Variants in EDDM3A observed in about 807,000 individuals in gnomAD.
The protein encoded by EDDM3A is epididymal protein 3A.
For synonymous variants in EDDM3A, 75 were observed against 60.4 expected (o/e 1.24, Z -1.12); for missense variants, 199 against 177.4 (o/e 1.12, Z -0.69).
At chr14:20,744,666 A>G (rs192843901), upstream of EDDM3A, among the ~76,000 whole-genome samples, 6 of 152,336 alleles carry the variant, frequency 3.9e-5, no homozygotes, top group East Asian at 1.9e-4. Flanking sequence ...GAGGTCCTGA[A>G]AAACAACTTA....
the EDDM3A span, among the ~76,000 whole-genome samples, chr14:20,736,598 C>T: frequency 3.3e-5 from 5 of 152,142 alleles, no homozygotes; most frequent in Non-Finnish European, 7.4e-5. Flanking sequence ...TCTTTCCTTT[C>T]TCATATTACT....
At chr14:20,740,583 G>A in the EDDM3A span, among the ~76,000 whole-genome samples, 2 of 152,176 alleles carry the variant, frequency 1.3e-5, no homozygotes, top group African/African-American at 4.8e-5. Flanking sequence ...CAATTGGAAG[G>A]AGCACATAGG....
At chr14:20,747,239 G>A (rs1178482382) in intron 1 of EDDM3A, among the ~76,000 whole-genome samples, 1 of 151,856 alleles carries the variant, frequency 6.6e-6, no homozygotes, top group African/African-American at 2.4e-5. Flanking sequence ...GAGTAGCTGG[G>A]TCTACAGCCA....
the EDDM3A span, among the ~76,000 whole-genome samples, chr14:20,736,317 C>G: frequency 6.6e-6 from 1 of 152,170 alleles, no homozygotes; most frequent in East Asian, 1.9e-4. Flanking sequence ...ACCATGTTGG[C>G]CAGGCTGGTC....
intron 1 of EDDM3A, among the ~76,000 whole-genome samples, chr14:20,746,230 T>C (rs937800497): frequency 7.9e-5 from 12 of 152,148 alleles, no homozygotes; most frequent in African/African-American, 2.4e-4. Context: ...TTCTATCTTG[T>C]GTAGGCCTTT....
At chr14:20,736,480 C>A in the EDDM3A span, among the ~76,000 whole-genome samples, 10 of 152,238 alleles carry the variant, frequency 6.6e-5, no homozygotes, top group Admixed American at 3.3e-4. Flanking sequence ...ATTACTTTCA[C>A]GGTGGTAACA....
rs770401108 is a variant in EDDM3A, at chr14:20,748,032, A to G, written c.*8A>G. 1 of 1,581,140 alleles carries G rather than the reference A, an allele frequency of 6.3e-7. No individual in the cohort carries two copies. On this transcript the variant is annotated 3_prime_UTR_variant, in exon 2 of 2. Coordinates refer to ENST00000326842, the MANE Select transcript of EDDM3A (RefSeq NM_006683.5). ...GAACCTATCAGCAACTAGAAAGTCT[A>G]TGCACATCCTCAGATATTGGTAGAG...
chr14:20,743,974 A>G (rs1330965167), upstream of EDDM3A, among the ~76,000 whole-genome samples: 1 of 152,136 alleles, frequency 6.6e-6, no homozygotes, highest in East Asian at 1.9e-4. Context: ...AATATCAAGT[A>G]TTTGAGAAAC....
At chr14:20,740,275 C>A in the EDDM3A span, among the ~76,000 whole-genome samples, 2 of 152,218 alleles carry the variant, frequency 1.3e-5, no homozygotes, top group Non-Finnish European at 2.9e-5. Context: ...TAGTGGAGAG[C>A]TAGCCTGGAG....
upstream of EDDM3A, among the ~76,000 whole-genome samples, chr14:20,743,159 A>C (rs761321106): frequency 2.0e-5 from 3 of 152,244 alleles, no homozygotes; most frequent in Non-Finnish European, 4.4e-5. Flanking sequence ...TAAGACACCT[A>C]TAGACGTTGT....
At chr14:20,741,538 C>A (rs150876905), upstream of EDDM3A, among the ~76,000 whole-genome samples, 1 of 152,276 alleles carries the variant, frequency 6.6e-6, no homozygotes, top group African/African-American at 2.4e-5. Context: ...AGTTAGGACC[C>A]CCTGGGACCC....
chr14:20,739,738 G>A, the EDDM3A span, among the ~76,000 whole-genome samples: 10 of 152,266 alleles, frequency 6.6e-5, no homozygotes, highest in South Asian at 1.9e-3. Context: ...AGGATTAACA[G>A]CTCATCAAAG....
chr14:20,736,161 G>A, the EDDM3A span, among the ~76,000 whole-genome samples: 1 of 150,754 alleles, frequency 6.6e-6, no homozygotes, highest in Non-Finnish European at 1.5e-5. Context: ...CCAGGCTGGA[G>A]TGCAGTGGCC....
chr14:20,736,392 G>A, the EDDM3A span, among the ~76,000 whole-genome samples: 1 of 152,098 alleles, frequency 6.6e-6, no homozygotes. Flanking sequence ...TTACAGGCAT[G>A]AGCCACCACG....
the EDDM3A span, among the ~76,000 whole-genome samples, chr14:20,737,163 T>C: frequency 0.58 from 86,990 of 150,962 alleles, 25,295 homozygotes; most frequent in Middle Eastern, 0.77. Flanking sequence ...AAGCAATTCT[T>C]CTACCTTAGC....
upstream of EDDM3A, among the ~76,000 whole-genome samples, chr14:20,741,014 T>C (rs564404074): frequency 6.6e-6 from 1 of 152,312 alleles, no homozygotes; most frequent in African/African-American, 2.4e-5. Flanking sequence ...TTTATAAAAT[T>C]TGAAAAACAG....
At position 20,748,225 on chromosome 14, in the gene EDDM3A, T is replaced by C. The variant is rs1877668661; in HGVS notation, c.*201T>C. On this transcript the variant is annotated 3_prime_UTR_variant, in exon 2 of 2. Transcript: ENST00000326842. ...CTGTATCTGTAATACAATTTTGTCC[T>C]AATTTGCCTAATTTACACCCACATT... 2.0e-6 allele frequency: 1 copy of C among 495,860 alleles called. No homozygotes were observed. The highest frequency in any genetic ancestry group is 4.2e-5 in the South Asian group (1 of 24,096). The allele number at this position is 495,860 out of a possible 1,614,324, so 30.7% of individuals were successfully genotyped here.
upstream of EDDM3A, among the ~76,000 whole-genome samples, chr14:20,744,863 G>T (rs548296206): frequency 1.6e-4 from 25 of 152,254 alleles, no homozygotes; most frequent in African/African-American, 6.0e-4. Context: ...ATAGCTATTT[G>T]GCCACTGTGT....
In EDDM3A at chr14:20,747,656, A is replaced by T; in HGVS notation, c.76A>T (p.Asn26Tyr). ...CILCRLCVYS[N>Y]NIYWREFIKL... is the part of the protein sequence containing the mutation. The stretch of plus-strand genomic sequence containing the variant: ...CCTTTGCAGGCTGTGTGTATACAGT[A>T]ACAACATTTACTGGAGAGAATTCAT... The change falls in exon 2 of 2, where the codon AAC becomes TAC. Residue 26 changes from asparagine (N) to tyrosine (Y), a missense_variant. Asn to Tyr is a moderately radical substitution (Grantham distance 143). Transcript: ENST00000326842. 1.2e-6 allele frequency: 2 copies of T among 1,614,188 alleles called. No individual in the cohort carries two copies. Among genetic ancestry groups the T allele is most frequent in the East Asian group, 4.5e-5 (2 of 44,884 alleles).
Sources: gnomAD v4.1 joint callset for allele counts (sites outside exome capture counted in the v4.1 genomes callset) on GRCh38, gnomAD v4.1.1 for gene constraint, MANE v1.5 for transcripts, NCBI Gene and HGNC (gene_info 2026-07-23, HGNC 2026-07-21) for gene names.